Variants in XPO7 observed in about 807,000 individuals in gnomAD.
XPO7 encodes the protein exportin 7.
XPO7 carries 21 observed loss-of-function variants against 144.3 expected under a neutral mutation model. The ratio of observed to expected loss-of-function variants is 0.15; its 90% CI spans 0.10 to 0.21. XPO7 has a LOEUF of 0.21. XPO7 is among the 10% of genes least tolerant of loss of function. The pLI, the probability that XPO7 is intolerant of heterozygous loss-of-function variation, is 1.00. For missense variants in XPO7, 808 were observed against 1,325.8 expected, an observed-to-expected ratio of 0.61 and a Z score of 6.06; for synonymous variants, 580 against 499.6, an observed-to-expected ratio of 1.16 and a Z score of -2.15.
In XPO7 at chr8:21,980,215, T is replaced by G; in HGVS notation, c.957+12T>G. The G allele has an allele frequency of 6.4e-7, 1 of 1,571,492 alleles. No homozygotes were observed. Among genetic ancestry groups the G allele is most frequent in the Non-Finnish European group, 8.6e-7 (1 of 1,156,776 alleles). ...TGGAAAACCCACAGGTAAGTTTATC[T>G]GAGAATTTACATATGTATAGGATTA... On this transcript the variant is annotated intron_variant, in intron 9 of 27. Coordinates refer to ENST00000252512, the MANE Select transcript of XPO7 (RefSeq NM_015024.5).
At chr8:21,989,132 A>C (rs200482232) in intron 16 of XPO7, 49 bp downstream of exon 16, 663 of 1,533,892 alleles carry the variant, frequency 4.3e-4, no homozygotes, top group Non-Finnish European at 5.8e-4. Context: ...CTGGCATGCC[A>C]CAGTCTTAGA....
chr8:21,969,014 CAA>C (rs1163210638), intron 2 of XPO7, among the ~76,000 whole-genome samples: 1 of 152,338 alleles, frequency 6.6e-6, no homozygotes, highest in East Asian at 1.9e-4. Context: ...AATTTGGAGA[CAA>C]CTATACAGCA....
At chr8:21,999,383 C>A (rs960551268) in intron 23 of XPO7, 78 bp downstream of exon 23, 2 of 1,586,460 alleles carry the variant, frequency 1.3e-6, no homozygotes, top group Non-Finnish European at 1.7e-6. Flanking sequence ...AGATTGAACA[C>A]TGCTCTTGAG....
intron 1 of XPO7, among the ~76,000 whole-genome samples, chr8:21,965,798 C>T (rs2117321735): frequency 6.6e-6 from 1 of 152,268 alleles, no homozygotes; most frequent in African/African-American, 2.4e-5. Flanking sequence ...GGCAGACTGG[C>T]TGTGTAATAT....
At chr8:21,976,933 A>G (rs962926859) in intron 7 of XPO7, among the ~76,000 whole-genome samples, 4 of 152,218 alleles carry the variant, frequency 2.6e-5, no homozygotes, top group Non-Finnish European at 4.4e-5. Flanking sequence ...TGCTGGGACT[A>G]CAGGTGTGAG....
chr8:22,002,299 G>GT, intron 25 of XPO7, 27 bp downstream of exon 25: 1 of 1,605,280 alleles, frequency 6.2e-7, no homozygotes, highest in Non-Finnish European at 8.5e-7. Context: ...TTAGGAGGCA[G>GT]TGATGGGGTG....
chr8:21,994,835 C>G (rs1458085048), intron 20 of XPO7, among the ~76,000 whole-genome samples: 1 of 152,026 alleles, frequency 6.6e-6, no homozygotes, highest in African/African-American at 2.4e-5. Flanking sequence ...GGGCGGATCA[C>G]GAGGTCAGGA....
intron 7 of XPO7, 120 bp downstream of exon 7, chr8:21,976,641 C>G (rs1812233440): frequency 1.6e-6 from 2 of 1,215,710 alleles, no homozygotes; most frequent in African/African-American, 1.6e-5. Flanking sequence ...AGAAAAAATT[C>G]TAACGTCTTT....
chr8:21,969,358 C>T, intron 2 of XPO7, 125 bp from the exon 3 acceptor site: 2 of 758,484 alleles, frequency 2.6e-6, no homozygotes, highest in South Asian at 1.8e-5. Flanking sequence ...CTCTAAAATC[C>T]AGAGGATCAA....
chr8:22,004,859 T>A (rs2117415175), intron 27 of XPO7, 136 bp from the exon 28 acceptor site: 1 of 555,816 alleles, frequency 1.8e-6, no homozygotes, highest in East Asian at 3.1e-5. Context: ...GTCTTAAGAC[T>A]GAAATTAACT....
intron 21 of XPO7, among the ~76,000 whole-genome samples, chr8:21,998,161 G>T (rs981145768): frequency 2.6e-5 from 4 of 152,198 alleles, no homozygotes; most frequent in Admixed American, 6.5e-5. Context: ...TTTAATCAAG[G>T]CCGGGCACGG....
At position 21,976,334 on chromosome 8, in the gene XPO7, CATT is replaced by C. The variant is rs748214408; in HGVS notation, c.598-19_598-17del. The C allele has an allele frequency of 2.8e-5, 45 of 1,608,708 alleles. No homozygotes were observed. The highest frequency in any genetic ancestry group is 1.6e-4 in the Middle Eastern group (1 of 6,064). On this transcript the variant is annotated intron_variant, in intron 6 of 27. Transcript: ENST00000252512. ...GAAGAGAGGAGTGATTTTGGGGACTCATTATGTGGTAATTTTTACAGGCTTCAG... is the reference window on the plus strand; with the variant it reads ...GAAGAGAGGAGTGATTTTGGGGACTCATGTGGTAATTTTTACAGGCTTCAG...
chr8:21,999,444 A>G (rs1813065064), intron 23 of XPO7, 92 bp from the exon 24 acceptor site: 1 of 1,577,862 alleles, frequency 6.3e-7, no homozygotes, highest in East Asian at 2.2e-5. Flanking sequence ...CTGTTTTCCC[A>G]CCTAAAAGGA....
intron 1 of XPO7, among the ~76,000 whole-genome samples, chr8:21,920,362 A>G (rs1335475636): frequency 6.6e-6 from 1 of 151,656 alleles, no homozygotes; most frequent in Non-Finnish European, 1.5e-5. Flanking sequence ...TCCAAATCGT[A>G]CAGCCCGGAG....
At chr8:21,990,053 G>A (rs534376900) in intron 16 of XPO7, among the ~76,000 whole-genome samples, 1 of 151,754 alleles carries the variant, frequency 6.6e-6, no homozygotes, top group South Asian at 2.1e-4. Flanking sequence ...GTTTCACCGT[G>A]TTAGCCAGGA....
intron 1 of XPO7, among the ~76,000 whole-genome samples, chr8:21,942,435 TA>T (rs1294211841): frequency 6.6e-5 from 10 of 152,250 alleles, no homozygotes; most frequent in African/African-American, 2.4e-4. Context: ...CACAAAATTT[TA>T]GTAAGGTAGC....
chr8:21,962,169 A>G (rs1811746240), intron 1 of XPO7, among the ~76,000 whole-genome samples: 1 of 152,214 alleles, frequency 6.6e-6, no homozygotes, highest in South Asian at 2.1e-4. Flanking sequence ...ATAAACATTC[A>G]AAGAGCAAGC....
rs529121913 is a variant in XPO7 at position 21,953,971 on chromosome 8, A to C, written c.19-12886A>C. On this transcript the variant is annotated intron_variant, in intron 1 of 27. Coordinates refer to ENST00000252512, the MANE Select transcript of XPO7 (RefSeq NM_015024.5). ...CTAGTCTTTTCATTTTCTTAAGCAA[A>C]TTAGATTCTGTTTGTAAATGAAATT... 2.4e-4 allele frequency among the ~76,000 whole-genome samples: 37 copies of C among 152,302 alleles called. No homozygotes were observed. In the South Asian group the frequency reaches 7.7e-3, roughly 32 times the overall value.
intron 27 of XPO7, 146 bp from the exon 28 acceptor site, chr8:22,004,849 G>A (rs942876195): frequency 3.6e-5 from 19 of 531,264 alleles, no homozygotes; most frequent in Non-Finnish European, 6.2e-5. Context: ...TTCTCTTAGA[G>A]TCTTAAGACT....
Sources: gnomAD v4.1 joint callset for allele counts (sites outside exome capture counted in the v4.1 genomes callset) on GRCh38, gnomAD v4.1.1 for gene constraint, MANE v1.5 for transcripts, NCBI Gene and HGNC (gene_info 2026-07-23, HGNC 2026-07-21) for gene names.